The following PIGU variants were observed in gnomAD, a reference collection of about 807,000 sequenced individuals.
PIGU encodes phosphatidylinositol glycan anchor biosynthesis class U.
A neutral mutation model predicts 49.9 loss-of-function variants in PIGU; 24 were observed. The ratio of observed to expected loss-of-function variants is 0.48; its 90% CI spans 0.35 to 0.68. The LOEUF (loss-of-function observed/expected upper bound fraction) is 0.68. Among genes scored for constraint, PIGU ranks in the 30% least tolerant of loss-of-function variants. PIGU has a pLI of 0.01. For synonymous variants in PIGU, 220 were observed against 205.7 expected, an observed-to-expected ratio of 1.07 and a Z score of -0.59; for missense variants, 490 against 532.6, an observed-to-expected ratio of 0.92 and a Z score of 0.79.
intron 7 of PIGU, among the ~76,000 whole-genome samples, chr20:34,600,831 T>C (rs764389767): frequency 6.6e-6 from 1 of 152,074 alleles, no homozygotes; most frequent in Non-Finnish European, 1.5e-5. Flanking sequence ...GGTTGGGAGT[T>C]CGAGACCAGC....
intron 11 of PIGU, among the ~76,000 whole-genome samples, chr20:34,563,956 C>T (rs1218560420): frequency 6.6e-6 from 1 of 152,120 alleles, no homozygotes; most frequent in South Asian, 2.1e-4. Context: ...CCAGGATAGT[C>T]CTAAGAAAAG....
At chr20:34,622,166 A>G (rs1222002168) in intron 6 of PIGU, among the ~76,000 whole-genome samples, 3 of 152,166 alleles carry the variant, frequency 2.0e-5, no homozygotes, top group African/African-American at 7.2e-5. Flanking sequence ...GTGAAAATTC[A>G]CGTATCTGTA....
At chr20:34,564,214 C>T (rs1024881607) in intron 11 of PIGU, among the ~76,000 whole-genome samples, 1 of 152,118 alleles carries the variant, frequency 6.6e-6, no homozygotes, top group Non-Finnish European at 1.5e-5. Context: ...CTAATAGTAA[C>T]GTATCAGGGT....
chr20:34,626,372 G>C (rs57654090), intron 6 of PIGU, among the ~76,000 whole-genome samples: 55,607 of 149,304 alleles, frequency 0.37, 10,695 homozygotes, highest in Admixed American at 0.54. Context: ...GCGTGATCTC[G>C]GCTCACTGCA....
At chr20:34,583,643 C>T (rs779757569) in intron 9 of PIGU, among the ~76,000 whole-genome samples, 4 of 152,212 alleles carry the variant, frequency 2.6e-5, no homozygotes, top group Non-Finnish European at 5.9e-5. Context: ...CGGAAAGGTG[C>T]CCTGGGATCC....
At chr20:34,642,206 C>T (rs1165997659) in intron 4 of PIGU, among the ~76,000 whole-genome samples, 1 of 152,116 alleles carries the variant, frequency 6.6e-6, no homozygotes, top group Admixed American at 6.5e-5. Flanking sequence ...ACTAACCCTA[C>T]CATTAAAAAC....
At chr20:34,561,760 G>A (rs1368537951) in intron 11 of PIGU, among the ~76,000 whole-genome samples, 1 of 151,790 alleles carries the variant, frequency 6.6e-6, no homozygotes, top group African/African-American at 2.4e-5. Context: ...CTCACCCCAC[G>A]GCAGGATCTT....
In PIGU at chr20:34,677,022, A is replaced by G; in HGVS notation, c.64T>C (p.Ser22Pro). Residue 22 changes from serine (S) to proline (P), a missense_variant, in exon 1 of 12, where the codon TCC becomes CCC. Transcript: ENST00000217446. Reference sequence around the variant, plus strand: ...TCGGAAATGAACTCGGCCAGACTGGAGCGGAACAAGGCCGCCCGCACTGTC... The same window carrying G: ...TCGGAAATGAACTCGGCCAGACTGGGGCGGAACAAGGCCGCCCGCACTGTC... The part of the protein sequence containing the change: ...AVTVRAALFR[S>P]SLAEFISERV... The G allele has an allele frequency of 7.0e-6, 11 of 1,582,692 alleles. No individual in the cohort carries two copies. Among genetic ancestry groups the G allele is most frequent in the Non-Finnish European group, 9.4e-6 (11 of 1,165,014 alleles).
intron 11 of PIGU, among the ~76,000 whole-genome samples, chr20:34,567,037 T>C (rs1226705854): frequency 6.6e-6 from 1 of 152,230 alleles, no homozygotes; most frequent in Non-Finnish European, 1.5e-5. Context: ...GCAGGTGCTA[T>C]CACCCAGGCA....
chr20:34,654,506 G>T lies in PIGU; in HGVS notation c.195+2674C>A, dbSNP rs190220487. Among the ~76,000 whole-genome samples the T allele has an allele frequency of 5.3e-5, 6 of 113,316 alleles. 1 individual carries two copies. In the Admixed American group the frequency reaches 7.0e-4, roughly 13 times the overall value. 74.3% of individuals were successfully genotyped at this position (113,316 alleles called of 152,430 possible). On this transcript the variant is annotated intron_variant, in intron 2 of 11. Transcript: ENST00000217446. Reference sequence around the variant, plus strand: ...CAAAAAAAAAAAAAAAAAAGTCTCTGAAGTTGTTCCTAACCTGTTTCTGCC... The same window carrying T: ...CAAAAAAAAAAAAAAAAAAGTCTCTTAAGTTGTTCCTAACCTGTTTCTGCC...
chr20:34,624,608 A>C (rs150963427), intron 6 of PIGU, among the ~76,000 whole-genome samples: 1 of 152,212 alleles, frequency 6.6e-6, no homozygotes. Flanking sequence ...AGGACCATCT[A>C]TTAGCATCTG....
chr20:34,637,753 A>G, intron 5 of PIGU, 123 bp downstream of exon 5: 1 of 1,533,018 alleles, frequency 6.5e-7, no homozygotes, highest in Non-Finnish European at 8.7e-7. Context: ...CAACAGAACT[A>G]CAGCAAATAC....
chr20:34,604,285 C>G (rs534959974), intron 7 of PIGU, among the ~76,000 whole-genome samples: 4 of 152,254 alleles, frequency 2.6e-5, no homozygotes, highest in African/African-American at 9.6e-5. Context: ...TTCCTCTCCC[C>G]AAGTCTCTAC....
intron 6 of PIGU, among the ~76,000 whole-genome samples, chr20:34,625,666 T>C (rs576636518): frequency 6.8e-6 from 1 of 147,774 alleles, no homozygotes; most frequent in South Asian, 2.1e-4. Flanking sequence ...AATTCCGAGA[T>C]TGCACCACTG....
At chr20:34,576,054 GC>G (rs1352336110) in intron 10 of PIGU, among the ~76,000 whole-genome samples, 4 of 152,038 alleles carry the variant, frequency 2.6e-5, no homozygotes, top group Non-Finnish European at 5.9e-5. Context: ...GTAAACTGAG[GC>G]TACACACCTA....
intron 6 of PIGU, among the ~76,000 whole-genome samples, chr20:34,628,033 G>A (rs1043614171): frequency 2.6e-5 from 4 of 152,222 alleles, no homozygotes; most frequent in South Asian, 2.1e-4. Context: ...AGGCATCCTC[G>A]GGTGCCACCC....
At position 34,611,079 on chromosome 20, in the gene PIGU, G is replaced by A. The variant is rs548414702; in HGVS notation, c.627+4963C>T. ...CTCCAGATGGATTAAAGACTTATAC[G>A]TAAAACCTAAAACCATAAACCCTAG... On this transcript the variant is annotated intron_variant, in intron 7 of 11. Coordinates refer to ENST00000217446, the MANE Select transcript of PIGU (RefSeq NM_080476.5). 3.7e-4 allele frequency among the ~76,000 whole-genome samples: 57 copies of A among 152,114 alleles called. 1 individual carries two copies. The highest frequency in any genetic ancestry group is 1.2e-3 in the Admixed American group (18 of 15,266).
rs112887376 is a variant in PIGU at position 34,622,489 on chromosome 20, C to A, written c.530-6350G>T. On this transcript the variant is annotated intron_variant, in intron 6 of 11. Coordinates refer to ENST00000217446, the MANE Select transcript of PIGU (RefSeq NM_080476.5). ...CCGAGATCACGCCACTGCACTCCAG[C>A]CTGGGAGACACAGCAAGAGTCCGTC... 2.1e-3 allele frequency among the ~76,000 whole-genome samples: 322 copies of A among 152,054 alleles called. 3 individuals are homozygous for A. The highest frequency in any genetic ancestry group is 7.1e-3 in the African/African-American group (296 of 41,454).
Position 34,560,824 on chromosome 20 carries a change from C to T in PIGU, c.*42G>A. On this transcript the variant is annotated 3_prime_UTR_variant, in exon 12 of 12. Transcript: ENST00000217446. ...GGAGGGCTTGGCCCAGCTTCTGGCCCCACAGCCCCCTGAGGTCCATGCAGC... is the reference window on the plus strand; with the variant it reads ...GGAGGGCTTGGCCCAGCTTCTGGCCTCACAGCCCCCTGAGGTCCATGCAGC... 1 of 1,430,744 alleles carries T rather than the reference C, an allele frequency of 7.0e-7. No homozygotes were observed. The highest frequency in any genetic ancestry group is 1.3e-5 in the South Asian group (1 of 77,386). 88.6% of individuals were successfully genotyped at this position (1,430,744 alleles called of 1,614,324 possible).
Sources: allele counts gnomAD v4.1 joint callset (sites outside exome capture counted in the v4.1 genomes callset), GRCh38; gene constraint gnomAD v4.1.1; transcripts MANE v1.5; gene names NCBI Gene and HGNC (gene_info 2026-07-23, HGNC 2026-07-21).